The following STMN2 variants were observed in gnomAD, a reference collection of about 807,000 sequenced individuals.
The protein encoded by STMN2 is stathmin-2.
A neutral mutation model predicts 24.1 loss-of-function variants in STMN2; 2 were observed. The ratio of observed to expected loss-of-function variants is 0.08; its 90% CI spans 0.03 to 0.26. The LOEUF (loss-of-function observed/expected upper bound fraction) is 0.26, where lower values mean the gene tolerates loss of function less well. Among genes scored for constraint, STMN2 ranks in the 10% least tolerant of loss-of-function variants. The pLI is 1.00. For missense variants in STMN2, 114 were observed against 213.6 expected (o/e 0.53, Z 2.91); for synonymous variants, 83 against 77.5 (o/e 1.07, Z -0.37).
intron 4 of STMN2, among the ~76,000 whole-genome samples, chr8:79,662,657 T>A (rs1353417600): frequency 6.6e-6 from 1 of 152,148 alleles, no homozygotes; most frequent in Non-Finnish European, 1.5e-5. Context: ...TTCCACATTA[T>A]CTCAAGCTCA....
chr8:79,622,507 C>A (rs74566573), intron 1 of STMN2, among the ~76,000 whole-genome samples: 3,804 of 152,222 alleles, frequency 0.025, 199 homozygotes, highest in East Asian at 0.23. Context: ...TATGAGACAG[C>A]AGCCAATATA....
chr8:79,636,949 T>G (rs1425884155), intron 2 of STMN2, 52 bp downstream of exon 2: 3 of 1,534,702 alleles, frequency 2.0e-6, no homozygotes, highest in East Asian at 2.3e-5. Flanking sequence ...TTTGGAAAGG[T>G]TGACATATAT....
intron 2 of STMN2, among the ~76,000 whole-genome samples, chr8:79,638,777 G>A (rs1049897712): frequency 2.0e-5 from 3 of 152,098 alleles, no homozygotes; most frequent in Non-Finnish European, 2.9e-5. Flanking sequence ...CAGCTATTAA[G>A]AGGGGCTTAC....
At chr8:79,614,548 G>A (rs780794678) in intron 1 of STMN2, among the ~76,000 whole-genome samples, 1 of 152,220 alleles carries the variant, frequency 6.6e-6, no homozygotes, top group Non-Finnish European at 1.5e-5. Flanking sequence ...AGTGTAACAC[G>A]TCGCAGGTAG....
At chr8:79,623,793 ATAAACTC>A (rs890591715) in intron 1 of STMN2, among the ~76,000 whole-genome samples, 6 of 152,138 alleles carry the variant, frequency 3.9e-5, no homozygotes, top group African/African-American at 7.2e-5. Context: ...AAAAAAAAAA[ATAAACTC>A]TAATGAGGTT....
In STMN2 at chr8:79,636,893, C is replaced by T. The variant is rs372079340; in HGVS notation, c.111C>T (p.Tyr37=). ...CTCGCAACATCAACATCTATACTTA[C>T]GATGGTGAGTAACCTAGGATAGACA... ...PEPRNINIYT[Y]DDMEVKQINK... Residue 37 remains tyrosine, a synonymous_variant, in exon 2 of 5, where the codon TAC becomes TAT. Transcript: ENST00000220876. The T allele has an allele frequency of 1.6e-5, 25 of 1,612,908 alleles. No homozygotes were observed. Among genetic ancestry groups the T allele is most frequent in the Admixed American group, 1.3e-4 (8 of 59,966 alleles).
chr8:79,664,990 AAAAAAAAAAAAAC>A lies in STMN2; in HGVS notation c.*125_*137del. 1 of 428,108 alleles carries A rather than the reference AAAAAAAAAAAAAC, an allele frequency of 2.3e-6. No individual in the cohort carries two copies. Among genetic ancestry groups the A allele is most frequent in the Non-Finnish European group, 3.4e-6 (1 of 298,232 alleles). 26.5% of individuals were successfully genotyped at this position (428,108 alleles called of 1,614,324 possible). A position where few individuals can be genotyped will look rare whatever the true frequency, so the allele number is the denominator to read the frequency against. ...ACATGGTTTAAAAAGAACTCATTAT[AAAAAAAAAAAAAC>A]AAAAAAAATCAAAAATTAAAAAAAA... On this transcript the variant is annotated 3_prime_UTR_variant, in exon 5 of 5. Transcript: ENST00000220876.
Position 79,611,185 on chromosome 8 carries a change from A to C in STMN2, c.-11A>C, listed in dbSNP as rs370563175. The C allele has an allele frequency of 1.2e-6, 2 of 1,613,972 alleles. No homozygotes were observed. Among genetic ancestry groups the C allele is most frequent in the Non-Finnish European group, 8.5e-7 (1 of 1,180,050 alleles). On this transcript the variant is annotated 5_prime_UTR_variant, in exon 1 of 5. Transcript: ENST00000220876. The stretch of plus-strand genomic sequence containing the variant: ...GCCTTCGCCACTGCTCAGCGTCTGC[A>C]CATCCCTACAATGGCTAAAACAGCA...
intron 3 of STMN2, among the ~76,000 whole-genome samples, chr8:79,642,455 T>G (rs1020539174): frequency 2.4e-4 from 36 of 152,288 alleles, no homozygotes; most frequent in African/African-American, 8.7e-4. Context: ...ACATTGTATT[T>G]CCCAATATTT....
At chr8:79,619,317 A>G (rs979111019) in intron 1 of STMN2, among the ~76,000 whole-genome samples, 1 of 152,194 alleles carries the variant, frequency 6.6e-6, no homozygotes, top group Non-Finnish European at 1.5e-5. Context: ...TTTACAAGAG[A>G]GCATGTTAAA....
intron 2 of STMN2, among the ~76,000 whole-genome samples, chr8:79,639,954 C>A (rs1585894937): frequency 6.6e-6 from 1 of 152,220 alleles, no homozygotes; most frequent in Non-Finnish European, 1.5e-5. Flanking sequence ...ATAATCCCAG[C>A]ACTTTGGGAG....
Position 79,643,862 on chromosome 8 carries a change from C to T in STMN2, c.288+2312C>T, listed in dbSNP as rs576362229. ...AAATTCCTTAGAATGCTTTAAAAGCCGTATTCCATCACCTTTCCAGTTATT... is the reference window on the plus strand; with the variant it reads ...AAATTCCTTAGAATGCTTTAAAAGCTGTATTCCATCACCTTTCCAGTTATT... On this transcript the variant is annotated intron_variant, in intron 3 of 4. Transcript: ENST00000220876. Among the ~76,000 whole-genome samples, 291 of 152,002 alleles carry T rather than the reference C, an allele frequency of 1.9e-3. 3 individuals carry two copies. The highest frequency in any genetic ancestry group is 1.8e-3 in the Non-Finnish European group (125 of 67,952).
chr8:79,631,673 T>G (rs1809804810), intron 1 of STMN2, among the ~76,000 whole-genome samples: 1 of 152,214 alleles, frequency 6.6e-6, no homozygotes, highest in South Asian at 2.1e-4. Context: ...TGAAATTATT[T>G]TGGTCTATTT....
chr8:79,619,343 T>G (rs1419779730), intron 1 of STMN2, among the ~76,000 whole-genome samples: 1 of 152,192 alleles, frequency 6.6e-6, no homozygotes, highest in Non-Finnish European at 1.5e-5. Flanking sequence ...AATTAAATTT[T>G]TATTAGCATT....
intron 3 of STMN2, among the ~76,000 whole-genome samples, chr8:79,644,921 G>A (rs112733144): frequency 0.018 from 2,682 of 152,258 alleles, 77 homozygotes; most frequent in African/African-American, 0.061. Flanking sequence ...TTGGGACGCC[G>A]AGGCAGGTGG....
At chr8:79,643,149 G>GTATATATATATATATATATA (rs201477262) in intron 3 of STMN2, among the ~76,000 whole-genome samples, 2 of 140,108 alleles carry the variant, frequency 1.4e-5, no homozygotes, top group Non-Finnish European at 3.1e-5. Context: ...ATGTGTGTGT[G>GTATATATATATATATATATA]TATATATATA....
chr8:79,619,266 G>A (rs955516509), intron 1 of STMN2, among the ~76,000 whole-genome samples: 4 of 152,138 alleles, frequency 2.6e-5, no homozygotes, highest in Non-Finnish European at 4.4e-5. Context: ...AGGATAAAGA[G>A]AATTGAGTGA....
intron 1 of STMN2, among the ~76,000 whole-genome samples, chr8:79,624,973 G>A (rs1007728651): frequency 3.3e-5 from 5 of 150,010 alleles, no homozygotes; most frequent in African/African-American, 4.9e-5. Context: ...CATGTCCCAC[G>A]CACTTTTTCC....
intron 4 of STMN2, among the ~76,000 whole-genome samples, chr8:79,663,023 A>G (rs1431702902): frequency 6.6e-6 from 1 of 152,116 alleles, no homozygotes. Context: ...TGATTTCTCT[A>G]TGCATGCCTC....
Sources: gnomAD v4.1 joint callset for allele counts (sites outside exome capture counted in the v4.1 genomes callset) on GRCh38, gnomAD v4.1.1 for gene constraint, MANE v1.5 for transcripts, NCBI Gene and HGNC (gene_info 2026-07-23, HGNC 2026-07-21) for gene names.